Variants in PDE5A observed in about 807,000 individuals in gnomAD.
PDE5A encodes phosphodiesterase 5A.
Under a neutral mutation model 110.2 loss-of-function variants are expected in PDE5A, and 67 were observed. The observed-to-expected ratio is 0.61, with a 90% confidence interval of 0.50 to 0.75. The LOEUF is 0.75. Ranked by LOEUF, PDE5A falls within the 30% of genes least tolerant of loss-of-function variation. PDE5A has a pLI of 0.00. For synonymous variants in PDE5A, 328 were observed against 351.2 expected (o/e 0.93, Z 0.74); for missense variants, 862 against 1,045.1 (o/e 0.82, Z 2.42).
chr4:119,596,849 C>T (rs904964077), intron 2 of PDE5A, among the ~76,000 whole-genome samples: 4 of 152,100 alleles, frequency 2.6e-5, no homozygotes, highest in South Asian at 2.1e-4. Flanking sequence ...AATACAGACT[C>T]GAACAAATGT....
rs200445363 is a variant in PDE5A, at chr4:119,520,886, C to G, written c.1905+49G>C. 2.4e-4 allele frequency: 354 copies of G among 1,483,774 alleles called. 5 individuals are homozygous for G. In the South Asian group the frequency reaches 4.4e-3, roughly 19 times the overall value. The allele number at this position is 1,483,774 out of a possible 1,614,324, so 91.9% of individuals were successfully genotyped here. A position where few individuals can be genotyped will look rare whatever the true frequency, so the allele number is the denominator to read the frequency against. ...TTGAAAGAATATGCTATAAATTTTACTACTAAGCAACAAAATGTATTAGAT... is the reference window on the plus strand; with the variant it reads ...TTGAAAGAATATGCTATAAATTTTAGTACTAAGCAACAAAATGTATTAGAT... On this transcript the variant is annotated intron_variant, in intron 13 of 20. Transcript: ENST00000354960.
At chr4:119,539,469 G>T (rs1188765697) in intron 10 of PDE5A, among the ~76,000 whole-genome samples, 1 of 151,918 alleles carries the variant, frequency 6.6e-6, no homozygotes, top group Non-Finnish European at 1.5e-5. Context: ...TCTACAAGTG[G>T]CTCTCAGATG....
At chr4:119,579,512 C>A (rs4001175) in intron 3 of PDE5A, among the ~76,000 whole-genome samples, 39,107 of 150,712 alleles carry the variant, frequency 0.26, 5,203 homozygotes, top group East Asian at 0.37. Flanking sequence ...TGCAGCCATA[C>A]AAAATGATGA....
At chr4:119,518,707 A>G (rs573875038) in intron 14 of PDE5A, among the ~76,000 whole-genome samples, 4 of 152,330 alleles carry the variant, frequency 2.6e-5, no homozygotes, top group African/African-American at 9.6e-5. Context: ...CACTTTTCAA[A>G]TATTATCTTT....
At chr4:119,622,213 C>A (rs1578836662) in intron 1 of PDE5A, among the ~76,000 whole-genome samples, 1 of 151,702 alleles carries the variant, frequency 6.6e-6, no homozygotes, top group South Asian at 2.1e-4. Flanking sequence ...ATTATATGAT[C>A]CCTACTAACT....
chr4:119,615,082 C>G (rs547005126), intron 1 of PDE5A, among the ~76,000 whole-genome samples: 1 of 152,166 alleles, frequency 6.6e-6, no homozygotes, highest in Non-Finnish European at 1.5e-5. Flanking sequence ...TTCATTTTCA[C>G]TGGAGTTTGA....
At chr4:119,576,099 C>G (rs1448936388) in intron 3 of PDE5A, among the ~76,000 whole-genome samples, 2 of 152,138 alleles carry the variant, frequency 1.3e-5, no homozygotes, top group Admixed American at 6.6e-5. Flanking sequence ...AAGGCCATTA[C>G]ATAATGGTAA....
chr4:119,614,194 ATATC>A (rs1364545032), intron 1 of PDE5A, among the ~76,000 whole-genome samples: 2 of 152,080 alleles, frequency 1.3e-5, no homozygotes, highest in Admixed American at 1.3e-4. Context: ...AAATTCCAAC[ATATC>A]TATGTTTCTC....
chr4:119,541,440 G>A (rs1398482034), intron 10 of PDE5A, among the ~76,000 whole-genome samples: 2 of 151,728 alleles, frequency 1.3e-5, no homozygotes, highest in South Asian at 2.1e-4. Flanking sequence ...ATATTTGTGT[G>A]TATATGTGTA....
intron 5 of PDE5A, among the ~76,000 whole-genome samples, chr4:119,564,363 A>G (rs1010891963): frequency 6.6e-6 from 1 of 152,122 alleles, no homozygotes; most frequent in Non-Finnish European, 1.5e-5. Context: ...TACTTTACCA[A>G]TGCCCTTTCT....
intron 11 of PDE5A, among the ~76,000 whole-genome samples, chr4:119,536,893 T>C (rs1360334846): frequency 6.6e-6 from 1 of 152,168 alleles, no homozygotes; most frequent in Non-Finnish European, 1.5e-5. Context: ...AAATTCCCTC[T>C]TACAAAATGC....
intron 1 of PDE5A, chr4:119,628,109 T>A (rs1730428872): frequency 1.2e-6 from 1 of 847,344 alleles, no homozygotes; most frequent in Admixed American, 6.2e-5. Flanking sequence ...AGCGGAGCCA[T>A]CAAGACCGAC....
chr4:119,567,242 T>A lies in PDE5A; in HGVS notation c.832-98A>T, dbSNP rs564104276. 8.1e-6 allele frequency: 7 copies of A among 860,738 alleles called. No individual in the cohort carries two copies. In the African/African-American group the frequency reaches 8.4e-5, roughly 10 times the overall value. The allele number at this position is 860,738 out of a possible 1,614,324, so 53.3% of individuals were successfully genotyped here. ...TTATAGAAGATATCCTGCATGTGCT[T>A]TAAAATAACACTAGTCTACAAAACA... On this transcript the variant is annotated intron_variant, in intron 3 of 20. Transcript: ENST00000354960.
intron 14 of PDE5A, 55 bp from the exon 15 acceptor site, chr4:119,511,189 T>C: frequency 9.3e-7 from 1 of 1,075,836 alleles, no homozygotes; most frequent in Non-Finnish European, 1.4e-6. Flanking sequence ...AATATGCCAT[T>C]TATCAGTACA....
rs565744430 is a variant in PDE5A at position 119,544,801 on chromosome 4, TA to T, written c.1397-2168del. On this transcript the variant is annotated intron_variant, in intron 9 of 20. Coordinates refer to ENST00000354960, the MANE Select transcript of PDE5A (RefSeq NM_001083.4). ...TCTCTCCAGTACAGCAGTTCAAATC[TA>T]TGCCTTGGTCAAAATTCACTGAATG... Among the ~76,000 whole-genome samples, 8 of 152,332 alleles carry T rather than the reference TA, an allele frequency of 5.3e-5. No individual in the cohort carries two copies. In the East Asian group the frequency reaches 1.4e-3, roughly 26 times the overall value.
chr4:119,616,578 C>T lies in PDE5A; in HGVS notation c.153-9281G>A, dbSNP rs541393838. 1.9e-4 allele frequency among the ~76,000 whole-genome samples: 29 copies of T among 149,504 alleles called. 1 individual carries two copies. In the Middle Eastern group the frequency reaches 0.017, roughly 90 times the overall value. On this transcript the variant is annotated intron_variant, in intron 1 of 20. Coordinates refer to ENST00000354960, the MANE Select transcript of PDE5A (RefSeq NM_001083.4). The stretch of plus-strand genomic sequence containing the variant: ...ATTTCATGAAGCTAACAGCACCGCA[C>T]CTGTCAAGAGGATGATGTTATTGTG...
At chr4:119,546,721 G>A (rs1727142644) in intron 9 of PDE5A, among the ~76,000 whole-genome samples, 1 of 138,328 alleles carries the variant, frequency 7.2e-6, no homozygotes, top group African/African-American at 2.7e-5. Context: ...TCGTAAACTA[G>A]ATTTTAATCA....
In PDE5A at chr4:119,596,538, C is replaced by A. The variant is rs202071544; in HGVS notation, c.816G>T (p.Lys272Asn). 19 of 1,587,370 alleles carry A rather than the reference C, an allele frequency of 1.2e-5. No individual in the cohort carries two copies. In the African/African-American group the frequency reaches 2.6e-4, roughly 21 times the overall value. ...KTQSILCMPI[K>N]NHREEVVGVA... ...ATTGGCTTACCTCTTCCCTATGATT[C>A]TTAATTGGCATACAAAGAATGCTTT... The change falls in exon 3 of 21, where the codon AAG becomes AAT. Residue 272 changes from lysine to asparagine, a missense_variant. Coordinates refer to ENST00000354960, the MANE Select transcript of PDE5A (RefSeq NM_001083.4).
intron 14 of PDE5A, among the ~76,000 whole-genome samples, chr4:119,516,286 T>C (rs1560598187): frequency 6.6e-6 from 1 of 152,230 alleles, no homozygotes; most frequent in Admixed American, 6.5e-5. Flanking sequence ...CATGAGACTA[T>C]GACAATTCTT....
Sources: allele counts gnomAD v4.1 joint callset (sites outside exome capture counted in the v4.1 genomes callset), GRCh38; gene constraint gnomAD v4.1.1; transcripts MANE v1.5; gene names NCBI Gene and HGNC (gene_info 2026-07-23, HGNC 2026-07-21).